UPF1: variants seen among roughly 807,000 people sequenced by gnomAD.
UPF1 encodes the protein regulator of nonsense transcripts 1.
In UPF1, 9 loss-of-function variants were observed where a neutral mutation model predicts 129.2. The ratio of observed to expected loss-of-function variants is 0.07; its 90% CI spans 0.04 to 0.12. The LOEUF (loss-of-function observed/expected upper bound fraction) is 0.12, where lower values mean the gene tolerates loss of function less well. Among genes scored for constraint, UPF1 ranks in the 10% least tolerant of loss-of-function variants. The pLI, the probability that UPF1 is intolerant of heterozygous loss-of-function variation, is 1.00. For missense variants in UPF1, 788 were observed against 1,525.3 expected (o/e 0.52, Z 8.05); for synonymous variants, 649 against 644.9 (o/e 1.01, Z -0.10).
intron 14 of UPF1, 43 bp downstream of exon 14, chr19:18,857,063 G>A (rs570584772): frequency 8.8e-6 from 14 of 1,582,980 alleles, no homozygotes; most frequent in Non-Finnish European, 4.3e-6. Context: ...ACTCGTGTGT[G>A]TGATTCTTGG....
intron 20 of UPF1, among the ~76,000 whole-genome samples, chr19:18,864,624 A>G (rs923736384): frequency 4.0e-5 from 6 of 149,520 alleles, no homozygotes; most frequent in South Asian, 2.1e-4. Flanking sequence ...GGGTCTCCCT[A>G]TGTTGTCCAG....
intron 1 of UPF1, among the ~76,000 whole-genome samples, chr19:18,835,665 A>C (rs994045078): frequency 4.6e-5 from 7 of 152,178 alleles, no homozygotes; most frequent in Non-Finnish European, 4.4e-5. Flanking sequence ...TTTAAGGCTG[A>C]GTAATATTCC....
chr19:18,855,542 A>C (rs2055707983), intron 11 of UPF1: 1 of 530,052 alleles, frequency 1.9e-6, no homozygotes, highest in African/African-American at 1.9e-5. Context: ...TGCAAGTTCC[A>C]GCCTTGGCAT....
In UPF1 at chr19:18,850,888, C is replaced by T. The variant is rs746200573; in HGVS notation, c.810+20C>T. On this transcript the variant is annotated intron_variant, in intron 5 of 23. Transcript: ENST00000262803. The surrounding 1 kb of genome is among the most constrained non-coding windows in gnomAD (Gnocchi z 7.1). ...TGGAAGGTGGGGCTGCCCAGCGGGC[C>T]GACCCGTGCCTTCGTGTGGTTTCTG... 17 of 1,533,020 alleles carry T rather than the reference C, an allele frequency of 1.1e-5. No individual in the cohort carries two copies. The highest frequency in any genetic ancestry group is 2.7e-5 in the African/African-American group (2 of 73,310). 95.0% of individuals were successfully genotyped at this position (1,533,020 alleles called of 1,614,324 possible).
At chr19:18,845,936 T>G in intron 1 of UPF1, 44 bp from the exon 2 acceptor site, 1 of 1,607,906 alleles carries the variant, frequency 6.2e-7, no homozygotes, top group Non-Finnish European at 8.5e-7. Flanking sequence ...CACTGAGTCC[T>G]GGAAGCTGCA....
At chr19:18,843,303 G>T (rs1031473293) in intron 1 of UPF1, among the ~76,000 whole-genome samples, 2 of 152,070 alleles carry the variant, frequency 1.3e-5, no homozygotes, top group Admixed American at 6.5e-5. Context: ...TTGAGGTGGG[G>T]TCAGAGGATG....
At chr19:18,846,926 G>A (rs901846561) in intron 2 of UPF1, among the ~76,000 whole-genome samples, 4 of 152,168 alleles carry the variant, frequency 2.6e-5, no homozygotes, top group Admixed American at 1.3e-4. Context: ...CCCGGGAGGC[G>A]GAGGTTGTAG....
intron 18 of UPF1, 35 bp downstream of exon 18, chr19:18,862,187 C>T: frequency 6.2e-7 from 1 of 1,604,724 alleles, no homozygotes; most frequent in Non-Finnish European, 8.5e-7. Flanking sequence ...TGCCCAGCCG[C>T]TCATCGGTCC....
At chr19:18,862,397 G>A (rs1024268544) in intron 18 of UPF1, among the ~76,000 whole-genome samples, 2 of 152,108 alleles carry the variant, frequency 1.3e-5, no homozygotes, top group Admixed American at 6.6e-5. Flanking sequence ...AATAAATCTT[G>A]TGTGTGTCTG....
At chr19:18,844,789 T>TC (rs1178186935) in intron 1 of UPF1, among the ~76,000 whole-genome samples, 4 of 152,244 alleles carry the variant, frequency 2.6e-5, no homozygotes, top group Admixed American at 6.5e-5. Flanking sequence ...CCAGGCACTG[T>TC]CCCCTACTGC....
At chr19:18,854,767 T>G in intron 9 of UPF1, 58 bp downstream of exon 9, 1 of 1,606,838 alleles carries the variant, frequency 6.2e-7, no homozygotes, top group Non-Finnish European at 8.5e-7. Flanking sequence ...GGCATCTTTA[T>G]GAGCCCTCCC....
At chr19:18,843,815 A>G (rs2055568878) in intron 1 of UPF1, among the ~76,000 whole-genome samples, 1 of 151,772 alleles carries the variant, frequency 6.6e-6, no homozygotes, top group South Asian at 2.1e-4. Flanking sequence ...GTACCATCAT[A>G]GCTCACAGCG....
rs1339840546 is a variant in UPF1, at chr19:18,847,904, G to A, written c.461+71G>A. 10 of 1,524,646 alleles carry A rather than the reference G, an allele frequency of 6.6e-6. No individual in the cohort carries two copies. In the African/African-American group the frequency reaches 1.1e-4, roughly 17 times the overall value. 94.4% of individuals were successfully genotyped at this position (1,524,646 alleles called of 1,614,324 possible). A position where few individuals can be genotyped will look rare whatever the true frequency, so the allele number is the denominator to read the frequency against. ...AGATTTGTGTGTAAATTATGGAAAT[G>A]TTGAAGCAAAGCGTAATATAAAATC... On this transcript the variant is annotated intron_variant, in intron 3 of 23. Coordinates refer to ENST00000262803, the MANE Select transcript of UPF1 (RefSeq NM_002911.4).
chr19:18,833,570 G>C (rs962194967), intron 1 of UPF1, among the ~76,000 whole-genome samples: 1 of 152,160 alleles, frequency 6.6e-6, no homozygotes, highest in South Asian at 2.1e-4. Context: ...AGGGGCTGGG[G>C]GGGTGGCGCG....
chr19:18,842,254 T>C (rs1323243815), intron 1 of UPF1, among the ~76,000 whole-genome samples: 2 of 152,154 alleles, frequency 1.3e-5, no homozygotes, highest in Non-Finnish European at 2.9e-5. Context: ...AACTGGGACT[T>C]GGATTCTTAA....
intron 3 of UPF1, chr19:18,849,726 G>A (rs955770465): frequency 5.1e-5 from 14 of 274,384 alleles, no homozygotes; most frequent in Non-Finnish European, 9.8e-5. Context: ...AGGGGCTGGG[G>A]CCTTGTGGGA....
rs1368346942 is a variant in UPF1 at position 18,860,928 on chromosome 19, C to T, written c.2403C>T (p.Ser801=). 6.3e-6 allele frequency: 10 copies of T among 1,595,564 alleles called. No homozygotes were observed. The highest frequency in any genetic ancestry group is 8.5e-6 in the Non-Finnish European group (10 of 1,171,530). Residue 801 remains serine (S), a synonymous_variant, in exon 17 of 24, where the codon TCC becomes TCT. Coordinates refer to ENST00000262803, the MANE Select transcript of UPF1 (RefSeq NM_002911.4). ...TCACGCCCTACGAGGGCCAGCGCTC[C>T]TACCTGGTGCAGTACATGCAGTTCA... ...GIITPYEGQR[S]YLVQYMQFSG...
chr19:18,833,886 C>T (rs2055455802), intron 1 of UPF1, among the ~76,000 whole-genome samples: 1 of 152,062 alleles, frequency 6.6e-6, no homozygotes, highest in African/African-American at 2.4e-5. Flanking sequence ...TCTTTTAGCC[C>T]CTAATGGAAG....
intron 17 of UPF1, 71 bp downstream of exon 17, chr19:18,861,053 ACC>A: frequency 1.3e-6 from 2 of 1,482,044 alleles, no homozygotes; most frequent in East Asian, 5.0e-5. Context: ...CCTTTAAGTT[ACC>A]CCCCAAGAGG....
Sources: allele counts gnomAD v4.1 joint callset (sites outside exome capture counted in the v4.1 genomes callset), GRCh38; gene constraint gnomAD v4.1.1; non-coding constraint Gnocchi (gnomAD v3.1); transcripts MANE v1.5; gene names NCBI Gene and HGNC (gene_info 2026-07-23, HGNC 2026-07-21).